COL19A1: variants seen among roughly 807,000 people sequenced by gnomAD.
COL19A1 encodes the protein collagen alpha-1(XIX) chain.
COL19A1 carries 159 observed loss-of-function variants against 190.2 expected under a neutral mutation model. The ratio of observed to expected loss-of-function variants is 0.84; its 90% CI spans 0.73 to 0.95. The LOEUF (loss-of-function observed/expected upper bound fraction) is 0.95. Ranked by LOEUF, COL19A1 falls within the 40% of genes least tolerant of loss-of-function variation. The pLI, the probability that COL19A1 is intolerant of heterozygous loss-of-function variation, is 0.00. For synonymous variants in COL19A1, 509 were observed against 458.9 expected (o/e 1.11, Z -1.39); for missense variants, 1,418 against 1,431.9 (o/e 0.99, Z 0.16).
intron 14 of COL19A1, among the ~76,000 whole-genome samples, chr6:70,065,006 C>G (rs1417437219): frequency 6.6e-6 from 1 of 152,170 alleles, no homozygotes; most frequent in Non-Finnish European, 1.5e-5. Context: ...GAGGAAGAAT[C>G]AATATCATGA....
At chr6:70,100,532 ATTTTTTTT>A (rs35019848) in intron 15 of COL19A1, among the ~76,000 whole-genome samples, 2 of 107,128 alleles carry the variant, frequency 1.9e-5, no homozygotes, top group East Asian at 2.9e-4. Context: ...TGTGTTTTTA[ATTTTTTTT>A]TTTTTTTTTT....
chr6:70,105,635 C>G (rs1004939027), intron 16 of COL19A1, among the ~76,000 whole-genome samples: 1 of 152,034 alleles, frequency 6.6e-6, no homozygotes, highest in African/African-American at 2.4e-5. Flanking sequence ...AACATTGAAC[C>G]CTTTATGACA....
intron 9 of COL19A1, among the ~76,000 whole-genome samples, chr6:69,955,274 G>A (rs1248248502): frequency 6.6e-6 from 1 of 152,028 alleles, no homozygotes; most frequent in African/African-American, 2.4e-5. Context: ...GCTATGTGTA[G>A]GAAGAAACTT....
Position 70,068,105 on chromosome 6 carries a change from A to C in COL19A1, c.1171-318A>C, listed in dbSNP as rs1009723642. Among the ~76,000 whole-genome samples, 3 of 151,936 alleles carry C rather than the reference A, an allele frequency of 2.0e-5. 1 individual carries two copies. The highest frequency in any genetic ancestry group is 4.4e-5 in the Non-Finnish European group (3 of 67,988). On this transcript the variant is annotated intron_variant, in intron 14 of 50. Transcript: ENST00000620364. ...AAAGAGGTATCTTTTTCTGCTTGCA[A>C]ATATTGTTACCACTTATTTATGGTG...
rs1767089890 is a variant in COL19A1, at chr6:70,194,833, C to T, written c.3094+4452C>T. Among the ~76,000 whole-genome samples the T allele has an allele frequency of 2.6e-5, 4 of 152,124 alleles. No homozygotes were observed. The South Asian group carries it at 8.3e-4, about 32-fold the overall frequency. ...GTCAAACATGGGACCAATAAGCCCACACCTCCAGCTGTGGGAGAAAAGAAA... is the reference window on the plus strand; with the variant it reads ...GTCAAACATGGGACCAATAAGCCCATACCTCCAGCTGTGGGAGAAAAGAAA... On this transcript the variant is annotated intron_variant, in intron 48 of 50. Coordinates refer to ENST00000620364, the MANE Select transcript of COL19A1 (RefSeq NM_001858.6).
At chr6:70,066,047 C>T (rs1222738026) in intron 14 of COL19A1, among the ~76,000 whole-genome samples, 2 of 152,174 alleles carry the variant, frequency 1.3e-5, no homozygotes, top group Non-Finnish European at 2.9e-5. Context: ...GCAGCGATTC[C>T]TCAGGGATCT....
chr6:70,061,526 A>T (rs1284209776), intron 14 of COL19A1, among the ~76,000 whole-genome samples: 2 of 152,254 alleles, frequency 1.3e-5, no homozygotes, highest in African/African-American at 2.4e-5. Flanking sequence ...CATACAAAAG[A>T]TTATCATAAA....
intron 11 of COL19A1, among the ~76,000 whole-genome samples, chr6:69,995,537 T>TA (rs145342720): frequency 6.6e-6 from 1 of 150,844 alleles, no homozygotes; most frequent in Admixed American, 6.6e-5. Context: ...TTTTTTTTTT[T>TA]ACCAAAAGCA....
At chr6:70,019,736 A>G (rs1778314145) in intron 11 of COL19A1, among the ~76,000 whole-genome samples, 1 of 152,086 alleles carries the variant, frequency 6.6e-6, no homozygotes, top group Admixed American at 6.6e-5. Flanking sequence ...TTGTTTTCAA[A>G]TCTTTTCTGC....
At chr6:70,116,172 T>C (rs1296984242) in intron 16 of COL19A1, among the ~76,000 whole-genome samples, 1 of 152,142 alleles carries the variant, frequency 6.6e-6, no homozygotes, top group Non-Finnish European at 1.5e-5. Context: ...TCACTATAAC[T>C]ATGCTTTCAA....
At chr6:69,936,442 C>T (rs1396351953) in intron 7 of COL19A1, among the ~76,000 whole-genome samples, 2 of 152,110 alleles carry the variant, frequency 1.3e-5, no homozygotes, top group East Asian at 1.9e-4. Context: ...GATGTATTCA[C>T]ATGTTGTTTG....
At chr6:70,204,703 C>T (rs1767757947) in intron 49 of COL19A1, among the ~76,000 whole-genome samples, 2 of 152,190 alleles carry the variant, frequency 1.3e-5, no homozygotes, top group South Asian at 2.1e-4. Context: ...GCGTTACACT[C>T]TTGTTAATCC....
intron 17 of COL19A1, among the ~76,000 whole-genome samples, chr6:70,129,865 G>A (rs1785415667): frequency 6.6e-6 from 1 of 152,178 alleles, no homozygotes; most frequent in African/African-American, 2.4e-5. Context: ...TACATGGAGA[G>A]GCCAGTTGAA....
At chr6:69,989,200 T>C (rs944424168) in intron 11 of COL19A1, among the ~76,000 whole-genome samples, 1 of 152,092 alleles carries the variant, frequency 6.6e-6, no homozygotes, top group Non-Finnish European at 1.5e-5. Context: ...TCCATTACTC[T>C]CCAAAAAGTA....
intron 15 of COL19A1, among the ~76,000 whole-genome samples, chr6:70,085,802 A>T (rs1764699733): frequency 6.6e-6 from 1 of 152,092 alleles, no homozygotes; most frequent in Non-Finnish European, 1.5e-5. Context: ...CCCAAATTTA[A>T]CTTCAGCTTG....
chr6:70,088,406 T>G (rs1392627671), intron 15 of COL19A1, among the ~76,000 whole-genome samples: 1 of 152,180 alleles, frequency 6.6e-6, no homozygotes, highest in African/African-American at 2.4e-5. Context: ...GCACATTTTT[T>G]TTCTATCCTG....
Position 70,092,366 on chromosome 6 carries a change from T to A in COL19A1, c.1225-9803T>A, listed in dbSNP as rs573066472. On this transcript the variant is annotated intron_variant, in intron 15 of 50. Transcript: ENST00000620364. The stretch of plus-strand genomic sequence containing the variant: ...AACCAAATGAACAAGTCTGTCTAAA[T>A]GCCTGTTGCAAATAATTGTCCCTTC... Among the ~76,000 whole-genome samples, 25 of 152,270 alleles carry A rather than the reference T, an allele frequency of 1.6e-4. No individual in the cohort carries two copies. The South Asian group carries it at 4.8e-3, about 29-fold the overall frequency.
At chr6:69,957,926 A>G (rs969427292) in intron 9 of COL19A1, among the ~76,000 whole-genome samples, 1 of 152,196 alleles carries the variant, frequency 6.6e-6, no homozygotes, top group African/African-American at 2.4e-5. Context: ...AGTGATGTCC[A>G]CTGAGTTATC....
At chr6:70,067,801 G>T (rs947642590) in intron 14 of COL19A1, among the ~76,000 whole-genome samples, 1 of 151,828 alleles carries the variant, frequency 6.6e-6, no homozygotes. Flanking sequence ...TGTGGAGTAA[G>T]AATTTCTGTC....
Sources: allele counts gnomAD v4.1 joint callset (sites outside exome capture counted in the v4.1 genomes callset), GRCh38; gene constraint gnomAD v4.1.1; transcripts MANE v1.5; gene names NCBI Gene and HGNC (gene_info 2026-07-23, HGNC 2026-07-21).